The following CFAP70 variants were observed in gnomAD, a reference collection of about 807,000 sequenced individuals.
CFAP70 encodes the protein cilia- and flagella-associated protein 70.
Under a neutral mutation model 137.6 loss-of-function variants are expected in CFAP70, and 81 were observed. The observed-to-expected ratio is 0.59, with a 90% confidence interval of 0.49 to 0.71. The LOEUF is 0.71. CFAP70 is among the 30% of genes least tolerant of loss of function. CFAP70 has a pLI of 0.00. For synonymous variants in CFAP70, 382 were observed against 423.6 expected, an observed-to-expected ratio of 0.90 and a Z score of 1.20; for missense variants, 976 against 1,226.7, an observed-to-expected ratio of 0.80 and a Z score of 3.05.
At chr10:73,353,218 T>A (rs1456917124) in intron 3 of CFAP70, among the ~76,000 whole-genome samples, 2 of 152,108 alleles carry the variant, frequency 1.3e-5, no homozygotes, top group African/African-American at 2.4e-5. Flanking sequence ...TTTCTGAGAG[T>A]CTTAACTTGT....
chr10:73,325,871 C>T (rs1171959815), intron 8 of CFAP70, among the ~76,000 whole-genome samples: 2 of 152,082 alleles, frequency 1.3e-5, no homozygotes, highest in East Asian at 1.9e-4. Context: ...GACTTAGACT[C>T]CCACACAATA....
At chr10:73,356,196 CTCCT>C (rs554998753) in intron 1 of CFAP70, among the ~76,000 whole-genome samples, 7 of 150,646 alleles carry the variant, frequency 4.6e-5, no homozygotes, top group African/African-American at 9.8e-5. Flanking sequence ...TCTTTTATCT[CTCCT>C]TCCTTCCTTT....
At chr10:73,270,112 G>GT (rs1197125724) in intron 24 of CFAP70, among the ~76,000 whole-genome samples, 2 of 152,092 alleles carry the variant, frequency 1.3e-5, no homozygotes, top group East Asian at 1.9e-4. Flanking sequence ...TACATTTATA[G>GT]TTTTTTTTCT....
intron 19 of CFAP70, among the ~76,000 whole-genome samples, chr10:73,282,777 T>C (rs1400060439): frequency 3.3e-5 from 5 of 152,078 alleles, no homozygotes; most frequent in African/African-American, 1.2e-4. Flanking sequence ...TAGAGGAATA[T>C]TTAGATATGC....
intron 23 of CFAP70, 42 bp from the exon 25 acceptor site, chr10:73,273,059 T>G: frequency 7.0e-7 from 1 of 1,428,338 alleles, no homozygotes; most frequent in South Asian, 1.2e-5. Context: ...TCTAGAAGCT[T>G]CAAACCCCAT....
Position 73,297,058 on chromosome 10 carries a change from T to A in CFAP70, c.1628A>T (p.His543Leu), listed in dbSNP as rs756756793. 1 of 1,613,596 alleles carries A rather than the reference T, an allele frequency of 6.2e-7. No homozygotes were observed. Among genetic ancestry groups the A allele is most frequent in the Non-Finnish European group, 8.5e-7 (1 of 1,179,718 alleles). The change falls in exon 15 of 27, where the codon CAT (histidine) becomes CTT (leucine). Residue 543 changes from histidine to leucine, a missense_variant. His to Leu is a moderately conservative substitution (Grantham distance 99). Coordinates refer to ENST00000310715, the Ensembl canonical transcript of CFAP70. Reference sequence around the variant, plus strand: ...GACACTTACCTGGTTTAGGGCTACATGCATCTGATCTACTAAGAACACATA... The same window carrying A: ...GACACTTACCTGGTTTAGGGCTACAAGCATCTGATCTACTAAGAACACATA...
chr10:73,276,750 G>A (rs2046779114), intron 21 of CFAP70: 1 of 152,168 alleles, frequency 6.6e-6, no homozygotes, highest in Non-Finnish European at 1.5e-5. Context: ...TCTGAGAGGA[G>A]GCTTCAATTC....
chr10:73,290,481 T>A (rs1247402617), intron 19 of CFAP70, among the ~76,000 whole-genome samples: 1 of 152,256 alleles, frequency 6.6e-6, no homozygotes, highest in Non-Finnish European at 1.5e-5. Flanking sequence ...ATTGTGGTGA[T>A]GTTTTCTTGA....
At chr10:73,324,047 A>G (rs781414515) in intron 8 of CFAP70, among the ~76,000 whole-genome samples, 6 of 152,152 alleles carry the variant, frequency 3.9e-5, no homozygotes, top group Non-Finnish European at 7.4e-5. Flanking sequence ...TGGGTCCCTG[A>G]CCCCTGACCC....
intron 6 of CFAP70, among the ~76,000 whole-genome samples, chr10:73,340,357 G>C (rs988756875): frequency 6.6e-6 from 1 of 152,242 alleles, no homozygotes; most frequent in Non-Finnish European, 1.5e-5. Context: ...GTCTGGCTGA[G>C]TCATGGGTTT....
intron 26 of CFAP70, among the ~76,000 whole-genome samples, chr10:73,255,429 C>T (rs533811606): frequency 2.2e-4 from 34 of 152,212 alleles, no homozygotes; most frequent in African/African-American, 7.5e-4. Flanking sequence ...GTAGCACATA[C>T]CTGTAATCCC....
chr10:73,312,395 C>G, intron 10 of CFAP70, 78 bp downstream of exon 11: 1 of 1,041,492 alleles, frequency 9.6e-7, no homozygotes, highest in Non-Finnish European at 1.4e-6. Flanking sequence ...ACATTGATAC[C>G]AGTCACCAAG....
intron 3 of CFAP70, among the ~76,000 whole-genome samples, chr10:73,349,321 C>T (rs915714907): frequency 5.9e-5 from 9 of 151,880 alleles, no homozygotes; most frequent in Admixed American, 5.2e-4. Context: ...GGGCAGATCA[C>T]GAGGTCAGGA....
chr10:73,300,245 A>G (rs2048850025), intron 12 of CFAP70, among the ~76,000 whole-genome samples: 1 of 152,216 alleles, frequency 6.6e-6, no homozygotes, highest in East Asian at 1.9e-4. Context: ...TCTACCTTCT[A>G]TTTTCAGAAG....
intron 25 of CFAP70, among the ~76,000 whole-genome samples, chr10:73,268,225 T>C (rs1312153841): frequency 6.6e-6 from 1 of 152,254 alleles, no homozygotes; most frequent in East Asian, 1.9e-4. Context: ...ATTTGAAGTG[T>C]CACAAGGTTT....
At chr10:73,351,133 T>G (rs1207182229) in intron 3 of CFAP70, among the ~76,000 whole-genome samples, 6 of 138,938 alleles carry the variant, frequency 4.3e-5, no homozygotes, top group African/African-American at 7.9e-5. Flanking sequence ...TTTTTTTTTT[T>G]TGTGAGACGG....
chr10:73,329,887 T>C (rs1044215998), intron 8 of CFAP70, among the ~76,000 whole-genome samples: 5 of 152,082 alleles, frequency 3.3e-5, no homozygotes, highest in African/African-American at 1.2e-4. Context: ...TTTGATTGAT[T>C]AGCACTATCT....
At chr10:73,351,069 GTGTATATATATATATATATATA>G (rs1308175427) in intron 3 of CFAP70, among the ~76,000 whole-genome samples, 221 of 50,560 alleles carry the variant, frequency 4.4e-3, no homozygotes, top group African/African-American at 6.4e-3. Context: ...GTGTGTGTGT[GTGTATATATATATATATATATA>G]TATATATATA....
chr10:73,313,359 G>A (rs543937861), intron 9 of CFAP70, among the ~76,000 whole-genome samples: 5 of 140,170 alleles, frequency 3.6e-5, no homozygotes, highest in Admixed American at 7.2e-5. Context: ...GCGATAGAGC[G>A]AGACTCTGTC....
Sources: gnomAD v4.1 joint callset for allele counts (sites outside exome capture counted in the v4.1 genomes callset) on GRCh38, gnomAD v4.1.1 for gene constraint, MANE v1.5 for transcripts, NCBI Gene and HGNC (gene_info 2026-07-23, HGNC 2026-07-21) for gene names.